Variants in FBXO11 observed in about 807,000 individuals in gnomAD.
FBXO11 encodes F-box protein 11.
A neutral mutation model predicts 117.0 loss-of-function variants in FBXO11; 13 were observed. The ratio of observed to expected loss-of-function variants is 0.11; its 90% CI spans 0.07 to 0.18. The LOEUF (loss-of-function observed/expected upper bound fraction) is 0.18. Ranked by LOEUF, FBXO11 falls within the 10% of genes least tolerant of loss-of-function variation. FBXO11 has a pLI of 1.00. For synonymous variants in FBXO11, 490 were observed against 380.5 expected (o/e 1.29, Z -3.35); for missense variants, 767 against 1,164.4 (o/e 0.66, Z 4.97).
At chr2:47,823,812 G>C (rs1414676864) in intron 11 of FBXO11, among the ~76,000 whole-genome samples, 1 of 151,716 alleles carries the variant, frequency 6.6e-6, no homozygotes, top group Non-Finnish European at 1.5e-5. Flanking sequence ...TAAGCTTCAA[G>C]TAATGATCAT....
chr2:47,854,287 A>G (rs1674102368), intron 1 of FBXO11, among the ~76,000 whole-genome samples: 1 of 148,540 alleles, frequency 6.7e-6, no homozygotes, highest in South Asian at 2.1e-4. Flanking sequence ...ACCTATCTCT[A>G]CCTTTATTCA....
At position 47,808,122 on chromosome 2, in the gene FBXO11, T is replaced by A; in HGVS notation, c.2780A>T (p.Asn927Ile). The change falls in exon 23 of 23, where the codon AAC (asparagine) becomes ATC (isoleucine). Residue 927 changes from asparagine (N) to isoleucine (I), a missense_variant. Physicochemically the swap from Asn to Ile is moderately radical, Grantham distance 149. Around this residue, in one of 10 missense-constraint regions of FBXO11, gnomAD observed 47 missense variants for 117.3 expected, o/e 0.40. Transcript: ENST00000403359. ...PPIESNTLQHN is the reference protein window; with the variant it reads ...PPIESNTLQHI ...CTTTTTCTTTAGGGAAGGAATTCAG[T>A]TGTGCTGCAATGTATTAGATTCTAT... is the stretch of plus-strand genomic sequence containing the variant. 6.2e-7 allele frequency: 1 copy of A among 1,606,694 alleles called. No individual in the cohort carries two copies. The highest frequency in any genetic ancestry group is 1.3e-5 in the African/African-American group (1 of 74,826).
intron 1 of FBXO11, among the ~76,000 whole-genome samples, chr2:47,847,328 T>TTACTG (rs564975985): frequency 2.0e-5 from 3 of 152,304 alleles, no homozygotes; most frequent in Non-Finnish European, 4.4e-5. Context: ...GTGCAGCATG[T>TTACTG]TACTGTACTG....
At chr2:47,894,627 G>A (rs190105738) in intron 1 of FBXO11, among the ~76,000 whole-genome samples, 1 of 152,236 alleles carries the variant, frequency 6.6e-6, no homozygotes, top group African/African-American at 2.4e-5. Flanking sequence ...GGAAATCAAA[G>A]TGATATTAAG....
At chr2:47,821,699 C>T (rs996856611) in intron 13 of FBXO11, among the ~76,000 whole-genome samples, 5 of 151,762 alleles carry the variant, frequency 3.3e-5, no homozygotes, top group Admixed American at 6.6e-5. Context: ...GCATGAGGAT[C>T]GCTTGAACCT....
At chr2:47,896,202 AAAAG>A (rs1387851218) in intron 1 of FBXO11, among the ~76,000 whole-genome samples, 1 of 152,182 alleles carries the variant, frequency 6.6e-6, no homozygotes, top group Non-Finnish European at 1.5e-5. Flanking sequence ...AAAGATCAGG[AAAAG>A]AAATAAACAC....
At chr2:47,881,841 A>C (rs577896444) in intron 1 of FBXO11, among the ~76,000 whole-genome samples, 1 of 152,114 alleles carries the variant, frequency 6.6e-6, no homozygotes, top group African/African-American at 2.4e-5. Context: ...TCTACCTCCC[A>C]GGTTCAAGTG....
chr2:47,818,458 C>G (rs940653543), intron 16 of FBXO11: 1 of 227,848 alleles, frequency 4.4e-6, no homozygotes, highest in Non-Finnish European at 8.5e-6. Context: ...AATGATATGC[C>G]AGGCATAATG....
intron 1 of FBXO11, among the ~76,000 whole-genome samples, chr2:47,853,472 T>G (rs1674036747): frequency 6.6e-6 from 1 of 152,178 alleles, no homozygotes; most frequent in Non-Finnish European, 1.5e-5. Flanking sequence ...TATTAATAGG[T>G]AGCTCCTCAG....
At chr2:47,834,754 C>T in intron 6 of FBXO11, 34 bp downstream of exon 6, 1 of 1,606,780 alleles carries the variant, frequency 6.2e-7, no homozygotes, top group Non-Finnish European at 8.5e-7. Context: ...GAAAGATTAC[C>T]ATTTTAAGTC....
rs57024456 is a variant in FBXO11, at chr2:47,831,838, A to C, written c.1398+511T>G. Among the ~76,000 whole-genome samples, 457 of 152,350 alleles carry C rather than the reference A, an allele frequency of 3.0e-3. 1 individual carries two copies. The highest frequency in any genetic ancestry group is 0.011 in the African/African-American group (450 of 41,586). On this transcript the variant is annotated intron_variant, in intron 11 of 22. Transcript: ENST00000403359. ...TGGTTTTAAAATTGGTATTTTATCA[A>C]TGTATCTCCTATTAAAGTTCTGCCA... is the stretch of plus-strand genomic sequence containing the variant.
chr2:47,842,749 G>C (rs1673108942), intron 1 of FBXO11, among the ~76,000 whole-genome samples: 1 of 139,494 alleles, frequency 7.2e-6, no homozygotes, highest in Non-Finnish European at 1.6e-5. Context: ...ACTTTCAAAT[G>C]AAACTTGGAA....
At chr2:47,818,716 T>C in intron 16 of FBXO11, 63 bp downstream of exon 16, 1 of 1,163,060 alleles carries the variant, frequency 8.6e-7, no homozygotes, top group African/African-American at 1.5e-5. Context: ...AGCAAATTTC[T>C]TTTACACACC....
intron 1 of FBXO11, among the ~76,000 whole-genome samples, chr2:47,850,637 A>G (rs1020516620): frequency 6.6e-6 from 1 of 152,232 alleles, no homozygotes. Flanking sequence ...AAATGAATTT[A>G]AAAAATAAGT....
intron 1 of FBXO11, among the ~76,000 whole-genome samples, chr2:47,852,306 A>T (rs1237680149): frequency 6.6e-6 from 1 of 152,114 alleles, no homozygotes; most frequent in Admixed American, 6.6e-5. Flanking sequence ...CATTTTATTG[A>T]AAGAAGAAAA....
intron 1 of FBXO11, among the ~76,000 whole-genome samples, chr2:47,867,903 T>C (rs1471801492): frequency 1.3e-5 from 2 of 152,214 alleles, no homozygotes; most frequent in Middle Eastern, 3.2e-3. Flanking sequence ...TAGTTTCTCA[T>C]GTCCAATAAT....
intron 1 of FBXO11, chr2:47,865,980 G>C (rs961874226): frequency 7.2e-5 from 11 of 152,300 alleles, no homozygotes; most frequent in Admixed American, 6.5e-4. Context: ...GTCAGGTACA[G>C]TGGCTCATGC....
In FBXO11 at chr2:47,818,526, T is replaced by G. The variant is rs1019073809; in HGVS notation, c.2006+253A>C. The G allele has an allele frequency of 8.3e-6, 3 of 361,174 alleles. No individual in the cohort carries two copies. In the East Asian group the frequency reaches 1.3e-4, roughly 16 times the overall value. 22.4% of individuals were successfully genotyped at this position (361,174 alleles called of 1,614,324 possible). On this transcript the variant is annotated intron_variant, in intron 16 of 22. Transcript: ENST00000403359. ...AAGTATGAAGGATCATATTGGCAGC[T>G]GATGTGACTCTCATAGTGGAAAGCA... is the stretch of plus-strand genomic sequence containing the variant.
chr2:47,813,462 GCT>G, intron 17 of FBXO11, 85 bp from the exon 18 acceptor site: 1 of 682,726 alleles, frequency 1.5e-6, no homozygotes, highest in Non-Finnish European at 1.9e-6. Flanking sequence ...ACAGAGTCTC[GCT>G]CTGTTGCCAG....
Sources: gnomAD v4.1 joint callset for allele counts (sites outside exome capture counted in the v4.1 genomes callset) on GRCh38, gnomAD v4.1.1 for gene constraint, gnomAD v4.1.1 regional missense constraint, MANE v1.5 for transcripts, NCBI Gene and HGNC (gene_info 2026-07-23, HGNC 2026-07-21) for gene names.